Variants in DLK2 observed in about 807,000 individuals in gnomAD.
DLK2 encodes delta like non-canonical Notch ligand 2.
DLK2 carries 9 observed loss-of-function variants against 31.3 expected under a neutral mutation model. The ratio of observed to expected loss-of-function variants is 0.29; its 90% confidence interval spans 0.17 to 0.50. The LOEUF is 0.50. Among genes scored for constraint, DLK2 ranks in the 20% least tolerant of loss-of-function variants. The pLI is 0.98. For synonymous variants in DLK2, 169 were observed against 201.2 expected (o/e 0.84, Z 1.35); for missense variants, 387 against 526.1 (o/e 0.74, Z 2.59).
At chr6:43,455,893 G>C (rs1783969390), upstream of DLK2, 1 of 152,614 alleles carries the variant, frequency 6.6e-6, no homozygotes, top group Admixed American at 6.5e-5. Flanking sequence ...CGCTCATCAC[G>C]CTTCTCATAT....
intron 4 of DLK2, 52 bp from the exon 5 acceptor site, chr6:43,452,136 A>C: frequency 6.2e-7 from 1 of 1,608,586 alleles, no homozygotes; most frequent in Non-Finnish European, 8.5e-7. Context: ...TCTGGTCCCC[A>C]GACCAGACTT....
At position 43,451,383 on chromosome 6, in the gene DLK2, C is replaced by G; in HGVS notation, c.417-109G>C. 1 of 1,364,944 alleles carries G rather than the reference C, an allele frequency of 7.3e-7. No individual in the cohort carries two copies. Among genetic ancestry groups the G allele is most frequent in the Non-Finnish European group, 9.8e-7 (1 of 1,016,108 alleles). The allele number at this position is 1,364,944 out of a possible 1,614,324, so 84.6% of individuals were successfully genotyped here. ...GCCATGTCATCTTGGGCTACACACT[C>G]CGAGCCTCAAATACCTCATTTTAAA... On this transcript the variant is annotated intron_variant, in intron 5 of 5. Coordinates refer to ENST00000372488, the MANE Select transcript of DLK2 (RefSeq NM_023932.4). This position sits in a 1 kb window ranked among gnomAD's most constrained non-coding sequence, Gnocchi z 4.4.
At chr6:43,452,875 T>G in intron 4 of DLK2, 130 bp downstream of exon 4, 1 of 1,389,628 alleles carries the variant, frequency 7.2e-7, no homozygotes. Context: ...AGTCTAAGAT[T>G]TAAAAAAATG....
intron 4 of DLK2, among the ~76,000 whole-genome samples, chr6:43,452,364 T>C (rs1248823827): frequency 6.6e-6 from 1 of 152,238 alleles, no homozygotes; most frequent in Non-Finnish European, 1.5e-5. Context: ...GCAGATGACT[T>C]GAGGTCAGGA....
At position 43,453,990 on chromosome 6, in the gene DLK2, C is replaced by G. The variant is rs1470239588; in HGVS notation, c.140+421G>C. The stretch of plus-strand genomic sequence containing the variant: ...TCCTGCTACAGAATTTGCCCAATCT[C>G]CCAGTGAGTCAACTACTCAAACTCA... On this transcript the variant is annotated intron_variant, in intron 3 of 5. Transcript: ENST00000372488. The surrounding 1 kb of genome is among the most constrained non-coding windows in gnomAD (Gnocchi z 4.1). Among the ~76,000 whole-genome samples, 2 of 152,184 alleles carry G rather than the reference C, an allele frequency of 1.3e-5. No individual in the cohort carries two copies. Among genetic ancestry groups the G allele is most frequent in the Non-Finnish European group, 2.9e-5 (2 of 68,032 alleles).
In DLK2 at chr6:43,451,109, G is replaced by A; in HGVS notation, c.582C>T (p.Asn194=). 6.2e-7 allele frequency: 1 copy of A among 1,614,244 alleles called. No homozygotes were observed. Among genetic ancestry groups the A allele is most frequent in the Non-Finnish European group, 8.5e-7 (1 of 1,180,038 alleles). The part of the protein sequence containing the change: ...ANGATCLDGI[N]RFSCLCPEGF... ...CCTCAGGACAGAGGCAGGAGAAGCGGTTTATGCCGTCAAGGCAGGTGGCAC... is the reference window on the plus strand; with the variant it reads ...CCTCAGGACAGAGGCAGGAGAAGCGATTTATGCCGTCAAGGCAGGTGGCAC... The change falls in exon 6 of 6, where the codon AAC becomes AAT. Residue 194 remains asparagine (N), a synonymous_variant. Transcript: ENST00000372488. This position sits in a 1 kb window ranked among gnomAD's most constrained non-coding sequence, Gnocchi z 4.4.
chr6:43,455,631 C>T (rs1248131653), upstream of DLK2: 1 of 136,216 alleles, frequency 7.3e-6, no homozygotes, highest in Non-Finnish European at 1.6e-5. Flanking sequence ...AGCCCGCCCC[C>T]ACCCCCATCC....
At position 43,454,846 on chromosome 6, in the gene DLK2, GGGAC is replaced by G; in HGVS notation, c.-25_-22del. The G allele has an allele frequency of 1.3e-6, 2 of 1,540,154 alleles. No individual in the cohort carries two copies. The highest frequency in any genetic ancestry group is 1.7e-6 in the Non-Finnish European group (2 of 1,148,622). The stretch of plus-strand genomic sequence containing the variant: ...GGCATGGTCAGCGCCGGCCCCAGGA[GGGAC>G]GGACGGATGGACGGCCGGACGCGTG... On this transcript the variant is annotated 5_prime_UTR_variant, in exon 2 of 6. Transcript: ENST00000372488.
chr6:43,454,618 A>G, intron 2 of DLK2, 132 bp downstream of exon 2: 1 of 1,374,830 alleles, frequency 7.3e-7, no homozygotes, highest in Non-Finnish European at 1.0e-6. Flanking sequence ...ATCCCATTCC[A>G]AAAAGGCAAC....
chr6:43,452,589 G>A (rs1180977845), intron 4 of DLK2, among the ~76,000 whole-genome samples: 2 of 152,036 alleles, frequency 1.3e-5, no homozygotes, highest in South Asian at 4.1e-4. Context: ...GCGGGTGCCT[G>A]TAATTCCAGC....
intron 4 of DLK2, 119 bp from the exon 5 acceptor site, chr6:43,452,203 C>T (rs938830573): frequency 2.7e-5 from 39 of 1,432,366 alleles, no homozygotes; most frequent in Non-Finnish European, 3.7e-5. Flanking sequence ...AAACCCAGCC[C>T]AGGCTGGCGT....
Position 43,450,903 on chromosome 6 carries a change from G to C in DLK2, c.788C>G (p.Pro263Arg). The change falls in exon 6 of 6, where the codon CCT becomes CGT. Residue 263 changes from proline to arginine, a missense_variant. Physicochemically the swap from Pro to Arg is moderately radical, Grantham distance 103. Transcript: ENST00000372488. This position sits in a 1 kb window ranked among gnomAD's most constrained non-coding sequence, Gnocchi z 4.5. ...VPDPPTTVDTPLGPTSAVVVP... is the reference protein window; with the variant it reads ...VPDPPTTVDTRLGPTSAVVVP... ...CACTACAGCTGAGGTGGGCCCTAGAGGGGTGTCCACTGTGGTTGGGGGGTC... is the reference window on the plus strand; with the variant it reads ...CACTACAGCTGAGGTGGGCCCTAGACGGGTGTCCACTGTGGTTGGGGGGTC... The C allele has an allele frequency of 6.2e-7, 1 of 1,614,234 alleles. No individual in the cohort carries two copies. The highest frequency in any genetic ancestry group is 8.5e-7 in the Non-Finnish European group (1 of 1,180,038).
upstream of DLK2, chr6:43,455,704 C>G (rs1783961852): frequency 1.3e-5 from 2 of 150,532 alleles, no homozygotes. Context: ...CGGCCCTCCG[C>G]GGCTACCCAA....
At chr6:43,452,375 G>A (rs1783800567) in intron 4 of DLK2, among the ~76,000 whole-genome samples, 1 of 152,230 alleles carries the variant, frequency 6.6e-6, no homozygotes. Flanking sequence ...GAGGTCAGGA[G>A]TTCAAGACCA....
chr6:43,455,415 G>T lies in DLK2; in HGVS notation c.-76C>A, dbSNP rs1373558820. On this transcript the variant is annotated 5_prime_UTR_variant, in exon 1 of 6. Transcript: ENST00000372488. ...CTCACCTCCGGCGGGGAGGTGGCGC[G>T]CCCCGGGGCGCAGAGAGAGGCCGGA... 6.6e-6 allele frequency: 1 copy of T among 151,270 alleles called. No homozygotes were observed. Among genetic ancestry groups the T allele is most frequent in the Non-Finnish European group, 1.5e-5 (1 of 67,652 alleles). The allele number at this position is 151,270 out of a possible 1,614,324, so 9.4% of individuals were successfully genotyped here.
At chr6:43,456,552 T>C (rs543961227), upstream of DLK2, 1 of 152,198 alleles carries the variant, frequency 6.6e-6, no homozygotes, top group Admixed American at 6.5e-5. Flanking sequence ...CCGTCTCTAT[T>C]AAAAATACAG....
At position 43,453,073 on chromosome 6, in the gene DLK2, T is replaced by C; in HGVS notation, c.203A>G (p.His68Arg). ...CTGCCATGGCTGGTGGCAGGTACCG[T>C]GCTGGCAGCCAGGCATCCTCACACA... Reference protein sequence around the residue: ...ERCVRMPGCQHGTCHQPWQCI... With the variant: ...ERCVRMPGCQRGTCHQPWQCI... The change falls in exon 4 of 6, where the codon CAC becomes CGC. Residue 68 changes from histidine (H) to arginine (R), a missense_variant. By Grantham distance (29) the His-to-Arg change is conservative. Transcript: ENST00000372488. The surrounding 1 kb of genome is among the most constrained non-coding windows in gnomAD (Gnocchi z 4.1). 3 of 1,614,108 alleles carry C rather than the reference T, an allele frequency of 1.9e-6. No homozygotes were observed. Among genetic ancestry groups the C allele is most frequent in the South Asian group, 1.1e-5 (1 of 91,068 alleles).
At position 43,453,684 on chromosome 6, in the gene DLK2, G is replaced by A. The variant is rs554653531; in HGVS notation, c.141-549C>T. Among the ~76,000 whole-genome samples, 1 of 152,258 alleles carries A rather than the reference G, an allele frequency of 6.6e-6. No homozygotes were observed. Among genetic ancestry groups the A allele is most frequent in the South Asian group, 2.1e-4 (1 of 4,828 alleles). On this transcript the variant is annotated intron_variant, in intron 3 of 5. Transcript: ENST00000372488. This position sits in a 1 kb window ranked among gnomAD's most constrained non-coding sequence, Gnocchi z 4.1. ...TGGTGTGCATCTGTAATCCATTATT[G>A]AGGAGGCTGAGGCAGGGGAACTTGA...
At position 43,451,967 on chromosome 6, in the gene DLK2, C is replaced by A; in HGVS notation, c.389G>T (p.Arg130Leu). 6.2e-7 allele frequency: 1 copy of A among 1,614,124 alleles called. No homozygotes were observed. The highest frequency in any genetic ancestry group is 8.5e-7 in the Non-Finnish European group (1 of 1,180,028). Residue 130 changes from arginine (R) to leucine (L), a missense_variant, in exon 5 of 6, where the codon CGC (arginine) becomes CTC (leucine). Transcript: ENST00000372488. The surrounding 1 kb of genome is among the most constrained non-coding windows in gnomAD (Gnocchi z 4.4). ...TGCCTGTTCACAGGGTCCAGCCTTG[C>A]GCTCGCAGTCACGCCCATGGAAGCC... The part of the protein sequence containing the change: ...LPGFHGRDCE[R>L]KAGPCEQAGS...
Sources: allele counts gnomAD v4.1 joint callset (sites outside exome capture counted in the v4.1 genomes callset), GRCh38; gene constraint gnomAD v4.1.1; non-coding constraint Gnocchi (gnomAD v3.1); transcripts MANE v1.5; gene names NCBI Gene and HGNC (gene_info 2026-07-23, HGNC 2026-07-21).